The following CNTRL variants were observed in gnomAD, a reference collection of about 807,000 sequenced individuals.
CNTRL encodes 110 kDa centrosomal protein.
In CNTRL, 233 loss-of-function variants were observed where a neutral mutation model predicts 303.7. The ratio of observed to expected loss-of-function variants is 0.77; its 90% CI spans 0.69 to 0.86. The LOEUF is 0.86. CNTRL is among the 40% of genes least tolerant of loss of function. CNTRL has a pLI of 0.00. For synonymous variants in CNTRL, 900 were observed against 922.2 expected (o/e 0.98, Z 0.44); for missense variants, 2,524 against 2,650.6 (o/e 0.95, Z 1.05).
intron 4 of CNTRL, among the ~76,000 whole-genome samples, chr9:121,092,472 A>C (rs1483219906): frequency 1.9e-5 from 2 of 107,578 alleles, no homozygotes; most frequent in Non-Finnish European, 3.8e-5. Context: ...TATATAATAT[A>C]TATCTATATA....
chr9:121,145,128 T>A, intron 21 of CNTRL, 116 bp from the exon 22 acceptor site: 1 of 1,283,884 alleles, frequency 7.8e-7, no homozygotes, highest in Non-Finnish European at 1.1e-6. Flanking sequence ...AGTAATGCAG[T>A]TTCCTCACTG....
intron 7 of CNTRL, among the ~76,000 whole-genome samples, chr9:121,107,558 C>T (rs10985157): frequency 0.081 from 12,281 of 152,132 alleles, 1,168 homozygotes; most frequent in African/African-American, 0.22. Flanking sequence ...TATCAGCACA[C>T]TAATTGGATT....
At chr9:121,085,235 T>G (rs1472969323) in intron 2 of CNTRL, among the ~76,000 whole-genome samples, 1 of 152,206 alleles carries the variant, frequency 6.6e-6, no homozygotes, top group African/African-American at 2.4e-5. Flanking sequence ...AGGATGGTGA[T>G]TCCCCATGTG....
At chr9:121,091,646 C>T (rs2048575788) in intron 4 of CNTRL, among the ~76,000 whole-genome samples, 1 of 152,104 alleles carries the variant, frequency 6.6e-6, no homozygotes, top group African/African-American at 2.4e-5. Context: ...AGTTTGAGAC[C>T]AGCCTGGGCA....
At position 121,157,991 on chromosome 9, in the gene CNTRL, A is replaced by T. The variant is rs2052664811; in HGVS notation, c.4646A>T (p.Lys1549Ile). The change falls in exon 30 of 44, where the codon AAA becomes ATA. Residue 1549 changes from lysine to isoleucine, a missense_variant. Coordinates refer to ENST00000373855, the MANE Select transcript of CNTRL (RefSeq NM_007018.6). ...KKEKLTEELQKLQKDIEMAER... is the reference protein window; with the variant it reads ...KKEKLTEELQILQKDIEMAER... ...TTGCTGGTGCTTTGTAGGCTTCAGA[A>T]ACTACAGAAAGACATAGAGATGGCA... 3 of 1,614,124 alleles carry T rather than the reference A, an allele frequency of 1.9e-6. No individual in the cohort carries two copies. The highest frequency in any genetic ancestry group is 2.5e-6 in the Non-Finnish European group (3 of 1,180,000).
At chr9:121,162,429 C>A in intron 34 of CNTRL, 158 bp downstream of exon 34, 2 of 632,680 alleles carry the variant, frequency 3.2e-6, no homozygotes, top group Non-Finnish European at 5.5e-6. Flanking sequence ...GGAGAATTTC[C>A]TTCTAGCTTT....
chr9:121,108,401 C>A (rs2049584284), intron 8 of CNTRL, among the ~76,000 whole-genome samples: 1 of 152,058 alleles, frequency 6.6e-6, no homozygotes, highest in East Asian at 1.9e-4. Context: ...TTACTCAGCC[C>A]ATTGAAAACC....
At chr9:121,129,059 T>A (rs1195541803) in intron 14 of CNTRL, among the ~76,000 whole-genome samples, 1 of 152,242 alleles carries the variant, frequency 6.6e-6, no homozygotes. Context: ...TAGTATAGTT[T>A]AAAGTCAGGT....
intron 12 of CNTRL, among the ~76,000 whole-genome samples, chr9:121,119,185 A>G (rs1232660413): frequency 6.6e-6 from 1 of 151,844 alleles, no homozygotes; most frequent in Non-Finnish European, 1.5e-5. Flanking sequence ...TCAGTAAATG[A>G]TGGCCGCATG....
intron 14 of CNTRL, among the ~76,000 whole-genome samples, chr9:121,133,209 T>A (rs1340324616): frequency 6.6e-6 from 1 of 152,242 alleles, no homozygotes; most frequent in Non-Finnish European, 1.5e-5. Flanking sequence ...TGCAGAAGTT[T>A]CTGCTGCCTT....
At chr9:121,134,551 TC>T (rs1181433567) in intron 14 of CNTRL, among the ~76,000 whole-genome samples, 1 of 152,174 alleles carries the variant, frequency 6.6e-6, no homozygotes, top group Non-Finnish European at 1.5e-5. Flanking sequence ...CGCCTTGGCC[TC>T]CCAAAGTGCT....
At chr9:121,109,833 A>C (rs2049666369) in intron 8 of CNTRL, among the ~76,000 whole-genome samples, 1 of 152,118 alleles carries the variant, frequency 6.6e-6, no homozygotes, top group Admixed American at 6.6e-5. Flanking sequence ...GAATTTTTAT[A>C]GTTGTTGGAC....
intron 7 of CNTRL, 142 bp downstream of exon 7, chr9:121,098,714 T>C: frequency 1.5e-6 from 1 of 651,672 alleles, no homozygotes; most frequent in Non-Finnish European, 2.6e-6. Context: ...TCAACAAATA[T>C]TTACTGAGTG....
At chr9:121,081,939 G>A (rs745345979) in intron 2 of CNTRL, among the ~76,000 whole-genome samples, 1 of 152,200 alleles carries the variant, frequency 6.6e-6, no homozygotes. Flanking sequence ...TCTTTCTGGT[G>A]ACTGGCCCCC....
At chr9:121,136,874 A>T (rs1249066148) in intron 15 of CNTRL, among the ~76,000 whole-genome samples, 1 of 152,220 alleles carries the variant, frequency 6.6e-6, no homozygotes, top group African/African-American at 2.4e-5. Flanking sequence ...AAGGGACAGG[A>T]TTCTTTGGCC....
At chr9:121,139,023 T>G (rs1056583822) in intron 16 of CNTRL, among the ~76,000 whole-genome samples, 1 of 152,220 alleles carries the variant, frequency 6.6e-6, no homozygotes, top group Non-Finnish European at 1.5e-5. Flanking sequence ...ATCAGATTGG[T>G]GCATCCTCTT....
chr9:121,079,772 T>C (rs2048067917), intron 1 of CNTRL, among the ~76,000 whole-genome samples: 1 of 152,370 alleles, frequency 6.6e-6, no homozygotes, highest in Non-Finnish European at 1.5e-5. Flanking sequence ...ACGGGGTTTT[T>C]ATTCCTTTCA....
rs2053218711 is a variant in CNTRL, at chr9:121,169,468, G to A, written c.6071-143G>A. ...TTCTGGGCCTTTGGTGTGGGTCAGG[G>A]TAGGCTTGTACGACTTTGTAATGGA... On this transcript the variant is annotated intron_variant, in intron 38 of 43. Transcript: ENST00000373855. 7.6e-6 allele frequency: 6 copies of A among 786,124 alleles called. No homozygotes were observed. In the South Asian group the frequency reaches 1.0e-4, roughly 14 times the overall value. 48.7% of individuals were successfully genotyped at this position (786,124 alleles called of 1,614,324 possible).
At chr9:121,087,209 C>T (rs1419171191) in intron 2 of CNTRL, among the ~76,000 whole-genome samples, 3 of 152,014 alleles carry the variant, frequency 2.0e-5, no homozygotes, top group Non-Finnish European at 4.4e-5. Context: ...GGAATGACTC[C>T]CAGGTTTTTG....
Sources: allele counts gnomAD v4.1 joint callset (sites outside exome capture counted in the v4.1 genomes callset), GRCh38; gene constraint gnomAD v4.1.1; transcripts MANE v1.5; gene names NCBI Gene and HGNC (gene_info 2026-07-23, HGNC 2026-07-21).